The following CFAP96 variants were observed in gnomAD, a reference collection of about 807,000 sequenced individuals.
CFAP96 encodes the protein cilia and flagella associated protein 96.
the CFAP96 span, chr4:185,445,258 C>A: frequency 1.2e-6 from 1 of 853,814 alleles, no homozygotes; most frequent in Non-Finnish European, 1.8e-6. Context: ...CTTTAGACAT[C>A]TCAGCTCCTT....
chr4:185,440,062 T>C, the CFAP96 span, among the ~76,000 whole-genome samples: 1 of 150,024 alleles, frequency 6.7e-6, no homozygotes, highest in Non-Finnish European at 1.5e-5. Flanking sequence ...GTTATATACG[T>C]ATCTCATATA....
chr4:185,432,490 G>A, the CFAP96 span, among the ~76,000 whole-genome samples: 1 of 152,164 alleles, frequency 6.6e-6, no homozygotes, highest in Non-Finnish European at 1.5e-5. Context: ...ACCTTGCAAA[G>A]TCAGATTGGC....
At chr4:185,449,700 A>G in the CFAP96 span, 5 of 1,211,182 alleles carry the variant, frequency 4.1e-6, no homozygotes, top group Non-Finnish European at 5.7e-6. Flanking sequence ...CACTATCAAG[A>G]GCTAATTATT....
the CFAP96 span, among the ~76,000 whole-genome samples, chr4:185,447,470 ACG>A: frequency 6.6e-6 from 1 of 152,050 alleles, no homozygotes; most frequent in Non-Finnish European, 1.5e-5. Context: ...TTGATCCACC[ACG>A]CCCGGCCGAT....
chr4:185,419,409 C>T, the CFAP96 span, among the ~76,000 whole-genome samples: 3 of 152,128 alleles, frequency 2.0e-5, no homozygotes, highest in Admixed American at 6.5e-5. Context: ...GGATTACAGG[C>T]ATGAGCCACC....
the CFAP96 span, among the ~76,000 whole-genome samples, chr4:185,418,230 TA>T: frequency 3.3e-5 from 5 of 152,128 alleles, no homozygotes; most frequent in African/African-American, 1.2e-4. Flanking sequence ...GAAAGCATTA[TA>T]AAAAAACCCT....
the CFAP96 span, among the ~76,000 whole-genome samples, chr4:185,439,913 C>A: frequency 7.0e-6 from 1 of 142,036 alleles, no homozygotes; most frequent in African/African-American, 2.6e-5. Flanking sequence ...ACATATATAT[C>A]TCATATATAT....
the CFAP96 span, among the ~76,000 whole-genome samples, chr4:185,419,892 C>G: frequency 1.3e-5 from 2 of 152,178 alleles, no homozygotes; most frequent in East Asian, 3.8e-4. Context: ...AGTTCAGTTT[C>G]TGTGTGGATG....
the CFAP96 span, chr4:185,429,406 GC>G: frequency 1.3e-6 from 2 of 1,520,106 alleles, no homozygotes; most frequent in Middle Eastern, 1.7e-4. Flanking sequence ...ACCACCAGAC[GC>G]CACCATGCCT....
chr4:185,416,547 A>G, the CFAP96 span, among the ~76,000 whole-genome samples: 1 of 152,192 alleles, frequency 6.6e-6, no homozygotes, highest in African/African-American at 2.4e-5. Flanking sequence ...CAAGCACTCT[A>G]GGGTTGAAGT....
the CFAP96 span, among the ~76,000 whole-genome samples, chr4:185,423,590 A>G: frequency 1.3e-5 from 2 of 152,224 alleles, no homozygotes; most frequent in South Asian, 2.1e-4. Context: ...TCATATAGCC[A>G]TAAAAAAATC....
the CFAP96 span, among the ~76,000 whole-genome samples, chr4:185,411,940 A>G: frequency 6.6e-6 from 1 of 152,250 alleles, no homozygotes; most frequent in Non-Finnish European, 1.5e-5. Context: ...TGAGATTGAT[A>G]TGTAACATAT....
At chr4:185,432,272 T>G in the CFAP96 span, 49 of 1,160,882 alleles carry the variant, frequency 4.2e-5, no homozygotes, top group Non-Finnish European at 5.3e-5. Context: ...TATTTGTTTT[T>G]CTGTAGGACT....
the CFAP96 span, chr4:185,435,996 T>A: frequency 7.9e-6 from 11 of 1,393,348 alleles, no homozygotes; most frequent in Non-Finnish European, 7.7e-6. Context: ...AGACTTAAAC[T>A]TTGCCATTTT....
chr4:185,443,773 T>A, the CFAP96 span, among the ~76,000 whole-genome samples: 3 of 152,198 alleles, frequency 2.0e-5, no homozygotes, highest in South Asian at 2.1e-4. Flanking sequence ...ATTTAACTTA[T>A]GTATTTCTAT....
chr4:185,432,673 G>A, the CFAP96 span, among the ~76,000 whole-genome samples: 1 of 151,914 alleles, frequency 6.6e-6, no homozygotes, highest in African/African-American at 2.4e-5. Flanking sequence ...GACCAGCCTG[G>A]GCAATATAGA....
At chr4:185,425,834 C>A in the CFAP96 span, 8,585 of 1,599,884 alleles carry the variant, frequency 5.4e-3, 38 homozygotes, top group Non-Finnish European at 6.8e-3. Context: ...CGGGGAAAAA[C>A]ACAGGGGTCG....
At chr4:185,443,921 CTTTTTTTTTTTTTTTTTTTTTTT>C in the CFAP96 span, among the ~76,000 whole-genome samples, 529 of 82,814 alleles carry the variant, frequency 6.4e-3, 58 homozygotes, top group South Asian at 0.057. Context: ...CTATATCTTT[CTTTTTTTTTTTTTTTTTTTTTTT>C]TTTTTTTTTT....
chr4:185,432,100 A>G, the CFAP96 span: 3 of 1,551,800 alleles, frequency 1.9e-6, no homozygotes, highest in South Asian at 3.6e-5. Flanking sequence ...TTGAAGGTGA[A>G]GGCTACATAA....
Sources: gnomAD v4.1 joint callset for allele counts (sites outside exome capture counted in the v4.1 genomes callset) on GRCh38, gnomAD v4.1.1 for gene constraint, MANE v1.5 for transcripts, NCBI Gene and HGNC (gene_info 2026-07-23, HGNC 2026-07-21) for gene names.